The following RIC1 variants were observed in gnomAD, a reference collection of about 807,000 sequenced individuals.
The protein encoded by RIC1 is RIC1 partner of RAB6A GEF complex.
In RIC1, 88 loss-of-function variants were observed where a neutral mutation model predicts 169.0. The observed-to-expected ratio is 0.52, with a 90% confidence interval of 0.44 to 0.62. The LOEUF (loss-of-function observed/expected upper bound fraction) is 0.62. Ranked by LOEUF, RIC1 falls within the 20% of genes least tolerant of loss-of-function variation. The pLI is 0.00. For missense variants in RIC1, 1,877 were observed against 1,725.5 expected (o/e 1.09, Z -1.56); for synonymous variants, 790 against 601.5 (o/e 1.31, Z -4.59).
chr9:5,715,738 G>C (rs1355537636), intron 4 of RIC1, among the ~76,000 whole-genome samples: 1 of 152,044 alleles, frequency 6.6e-6, no homozygotes, highest in African/African-American at 2.4e-5. Flanking sequence ...ATTAATTGAG[G>C]ATAGAGAATG....
At chr9:5,738,861 G>T (rs1199712640) in intron 8 of RIC1, among the ~76,000 whole-genome samples, 2 of 152,100 alleles carry the variant, frequency 1.3e-5, no homozygotes, top group Admixed American at 1.3e-4. Flanking sequence ...ACACAAGTCA[G>T]ACTATTCTGA....
chr9:5,769,341 A>C, intron 22 of RIC1, 85 bp downstream of exon 22: 1 of 1,613,488 alleles, frequency 6.2e-7, no homozygotes, highest in South Asian at 1.1e-5. Flanking sequence ...TTGATATTCA[A>C]GGAATTATTT....
In RIC1 at chr9:5,717,231, A is replaced by T. The variant is rs116739315; in HGVS notation, c.441-2951A>T. On this transcript the variant is annotated intron_variant, in intron 4 of 25. Coordinates refer to ENST00000414202, the MANE Select transcript of RIC1 (RefSeq NM_020829.4). The stretch of plus-strand genomic sequence containing the variant: ...GATTATCATGTTATAGAGATTATGA[A>T]CTCTTAATTTTGTCAGACGATTGTT... Among the ~76,000 whole-genome samples, 1,181 of 152,034 alleles carry T rather than the reference A, an allele frequency of 7.8e-3. 20 individuals are homozygous for T. The highest frequency in any genetic ancestry group is 0.027 in the African/African-American group (1,133 of 41,454).
At chr9:5,699,746 T>C (rs898761097) in intron 3 of RIC1, among the ~76,000 whole-genome samples, 6 of 152,208 alleles carry the variant, frequency 3.9e-5, no homozygotes, top group African/African-American at 1.4e-4. Context: ...TACAACACTT[T>C]CTGATGTATG....
intron 2 of RIC1, among the ~76,000 whole-genome samples, chr9:5,684,718 G>A (rs999491168): frequency 6.6e-6 from 1 of 151,976 alleles, no homozygotes; most frequent in South Asian, 2.1e-4. Context: ...TTTCTTGTCT[G>A]AATTTACTGC....
chr9:5,736,461 T>C (rs905061203), intron 7 of RIC1, among the ~76,000 whole-genome samples: 12 of 152,208 alleles, frequency 7.9e-5, no homozygotes, highest in African/African-American at 2.9e-4. Context: ...CCTTAGTTTT[T>C]ATTATTTTGA....
intron 1 of RIC1, among the ~76,000 whole-genome samples, chr9:5,637,577 A>C (rs891250900): frequency 6.6e-6 from 1 of 152,090 alleles, no homozygotes; most frequent in African/African-American, 2.4e-5. Context: ...TTTTGTACCC[A>C]TTAGCCGTTC....
chr9:5,753,603 C>G lies in RIC1; in HGVS notation c.1559C>G (p.Ser520Cys). ...GGCAAGTTTGGTTTTGCACATTACT[C>G]TTTACTCACCAAAAAATGGAAACTT... The part of the protein sequence containing the change: ...VVGKFGFAHY[S>C]LLTKKWKLFG... The change falls in exon 14 of 26, where the codon TCT becomes TGT. Residue 520 changes from serine (S) to cysteine (C), a missense_variant. Coordinates refer to ENST00000414202, the MANE Select transcript of RIC1 (RefSeq NM_020829.4). The G allele has an allele frequency of 1.2e-6, 2 of 1,610,226 alleles. No individual in the cohort carries two copies. Among genetic ancestry groups the G allele is most frequent in the Non-Finnish European group, 1.7e-6 (2 of 1,178,224 alleles).
At chr9:5,720,142 C>G in intron 4 of RIC1, 40 bp from the exon 5 acceptor site, 1 of 1,548,180 alleles carries the variant, frequency 6.5e-7, no homozygotes, top group South Asian at 1.2e-5. Flanking sequence ...CATTGCTTTC[C>G]CAGTATGCTC....
intron 1 of RIC1, 50 bp downstream of exon 1, chr9:5,629,503 G>T (rs1817612523): frequency 6.7e-7 from 1 of 1,493,758 alleles, no homozygotes; most frequent in Non-Finnish European, 8.9e-7. Flanking sequence ...CGGCCTCCCG[G>T]CGCCGTCCCA....
At chr9:5,653,943 G>T (rs1322206733) in intron 1 of RIC1, among the ~76,000 whole-genome samples, 2 of 152,026 alleles carry the variant, frequency 1.3e-5, no homozygotes, top group African/African-American at 4.8e-5. Context: ...TTAGTGTTTT[G>T]TAACTTTTTT....
intron 2 of RIC1, among the ~76,000 whole-genome samples, chr9:5,664,369 C>T (rs1318688125): frequency 1.3e-5 from 2 of 151,780 alleles, no homozygotes; most frequent in Non-Finnish European, 2.9e-5. Context: ...GCTGAGATTG[C>T]ACCACTGCAC....
intron 12 of RIC1, 95 bp downstream of exon 12, chr9:5,747,600 A>G (rs1825458478): frequency 9.0e-7 from 1 of 1,112,542 alleles, no homozygotes; most frequent in Admixed American, 1.9e-5. Context: ...ACTTCAGGCA[A>G]CTGAGAATCC....
In RIC1 at chr9:5,747,335, G is replaced by C. The variant is rs1180463218; in HGVS notation, c.1282G>C (p.Asp428His). The C allele has an allele frequency of 6.2e-7, 1 of 1,613,918 alleles. No homozygotes were observed. The highest frequency in any genetic ancestry group is 1.1e-5 in the South Asian group (1 of 91,078). Residue 428 changes from aspartate (D) to histidine (H), a missense_variant, in exon 12 of 26, where the codon GAT becomes CAT. Coordinates refer to ENST00000414202, the MANE Select transcript of RIC1 (RefSeq NM_020829.4). ...NQEQVLLQGE[D>H]RLYLNCGEAS... ...AGAGCAGGTGTTGCTTCAGGGTGAG[G>C]ATCGCTTGTACTTGAACTGTGGAGA...
intron 1 of RIC1, among the ~76,000 whole-genome samples, chr9:5,644,555 G>A (rs7860397): frequency 0.46 from 70,345 of 151,878 alleles, 16,759 homozygotes; most frequent in East Asian, 0.58. Context: ...TCTGAGTCTG[G>A]TATCTGTTAT....
chr9:5,643,172 T>A (rs145434936), intron 1 of RIC1, among the ~76,000 whole-genome samples: 1,904 of 152,232 alleles, frequency 0.013, 14 homozygotes, highest in Non-Finnish European at 0.019. Flanking sequence ...CTGGCCATGG[T>A]GGTGCATGCC....
intron 2 of RIC1, among the ~76,000 whole-genome samples, chr9:5,689,731 T>C (rs1454992781): frequency 6.6e-6 from 1 of 152,206 alleles, no homozygotes; most frequent in African/African-American, 2.4e-5. Flanking sequence ...TAGAATACTT[T>C]ATGAAGTACT....
At chr9:5,728,040 G>T (rs916773136) in intron 6 of RIC1, among the ~76,000 whole-genome samples, 3 of 152,188 alleles carry the variant, frequency 2.0e-5, no homozygotes, top group Admixed American at 6.5e-5. Context: ...CTCAGACTCC[G>T]TGCTGGGCAA....
intron 1 of RIC1, among the ~76,000 whole-genome samples, chr9:5,646,858 G>A (rs1196323047): frequency 6.6e-6 from 1 of 152,114 alleles, no homozygotes; most frequent in East Asian, 1.9e-4. Context: ...TGTGCTTTCA[G>A]TATCATATCC....
Sources: gnomAD v4.1 joint callset for allele counts (sites outside exome capture counted in the v4.1 genomes callset) on GRCh38, gnomAD v4.1.1 for gene constraint, MANE v1.5 for transcripts, NCBI Gene and HGNC (gene_info 2026-07-23, HGNC 2026-07-21) for gene names.